Variants in GRIK4 observed in about 807,000 individuals in gnomAD.
GRIK4 encodes the protein glutamate ionotropic receptor kainate type subunit 4, also known as glutamate receptor ionotropic, kainate 4.
GRIK4 carries 40 observed loss-of-function variants against 104.9 expected under a neutral mutation model. The observed-to-expected ratio is 0.38, with a 90% confidence interval of 0.30 to 0.50. GRIK4 has a LOEUF of 0.50. Among genes scored for constraint, GRIK4 ranks in the 20% least tolerant of loss-of-function variants. The pLI is 0.93. For synonymous variants in GRIK4, 485 were observed against 524.9 expected (o/e 0.92, Z 1.04); for missense variants, 1,047 against 1,308.1 (o/e 0.80, Z 3.08).
chr11:120,861,929 ATTC>A, intron 8 of GRIK4, 27 bp from the exon 9 acceptor site: 3 of 1,585,232 alleles, frequency 1.9e-6, no homozygotes, highest in Non-Finnish European at 2.6e-6. Context: ...TCCTAACTAC[ATTC>A]TTATTTCTGA....
intron 13 of GRIK4, among the ~76,000 whole-genome samples, chr11:120,915,032 A>C (rs1042244211): frequency 1.3e-5 from 2 of 152,118 alleles, no homozygotes; most frequent in African/African-American, 4.8e-5. Context: ...GTAGACCTTC[A>C]AGCATGGGTT....
intron 3 of GRIK4, among the ~76,000 whole-genome samples, chr11:120,661,125 A>T (rs1949807294): frequency 6.6e-6 from 1 of 152,182 alleles, no homozygotes; most frequent in Admixed American, 6.5e-5. Context: ...AGCCACAGGG[A>T]CAAGGACACA....
In GRIK4 at chr11:120,855,854, C is replaced by T. The variant is rs548785972; in HGVS notation, c.745-6105C>T. On this transcript the variant is annotated intron_variant, in intron 8 of 20. Coordinates refer to ENST00000527524, the MANE Select transcript of GRIK4 (RefSeq NM_014619.5). ...CTGGGATTATAGGCGTGAGCCACCG[C>T]GCCCGGCCTATGGTGACTTATTTAG... Among the ~76,000 whole-genome samples, 5 of 152,370 alleles carry T rather than the reference C, an allele frequency of 3.3e-5. No individual in the cohort carries two copies. In the South Asian group the frequency reaches 6.2e-4, roughly 19 times the overall value.
intron 11 of GRIK4, among the ~76,000 whole-genome samples, chr11:120,890,951 A>C (rs1955271343): frequency 6.6e-6 from 1 of 152,264 alleles, no homozygotes; most frequent in Admixed American, 6.5e-5. Flanking sequence ...ATCTAAATGT[A>C]CATAAAATAT....
chr11:120,937,361 A>C (rs1331601097), intron 13 of GRIK4, among the ~76,000 whole-genome samples: 1 of 152,346 alleles, frequency 6.6e-6, no homozygotes, highest in South Asian at 2.1e-4. Flanking sequence ...ACTAGGTAAA[A>C]TAACGAAGGC....
chr11:120,715,755 C>T (rs773873333), intron 3 of GRIK4, among the ~76,000 whole-genome samples: 9 of 152,208 alleles, frequency 5.9e-5, no homozygotes, highest in Non-Finnish European at 5.9e-5. Flanking sequence ...GCGCCACACC[C>T]GCTCCCTTTT....
intron 11 of GRIK4, among the ~76,000 whole-genome samples, chr11:120,893,000 G>A (rs78060990): frequency 1.3e-5 from 2 of 152,200 alleles, no homozygotes; most frequent in African/African-American, 4.8e-5. Context: ...ACAAATTAAC[G>A]TATAAAAGCG....
At chr11:120,563,874 C>T (rs192134353) in intron 1 of GRIK4, among the ~76,000 whole-genome samples, 1 of 152,328 alleles carries the variant, frequency 6.6e-6, no homozygotes, top group African/African-American at 2.4e-5. Context: ...TCGGTTGTGC[C>T]TCCACGCCCG....
At chr11:120,758,292 C>T (rs536919318) in intron 3 of GRIK4, among the ~76,000 whole-genome samples, 4 of 152,332 alleles carry the variant, frequency 2.6e-5, no homozygotes, top group East Asian at 1.9e-4. Flanking sequence ...TTGATTTCTA[C>T]GGATACCTCA....
intron 1 of GRIK4, among the ~76,000 whole-genome samples, chr11:120,650,502 C>T (rs1440400867): frequency 1.3e-5 from 2 of 152,374 alleles, no homozygotes; most frequent in South Asian, 4.1e-4. Context: ...CGCATCCCCC[C>T]TCCCAGACCT....
chr11:120,767,375 C>T (rs1480067062), intron 3 of GRIK4, among the ~76,000 whole-genome samples: 1 of 152,034 alleles, frequency 6.6e-6, no homozygotes, highest in East Asian at 1.9e-4. Flanking sequence ...TGGTCCTTTG[C>T]CCATTTTTAA....
At chr11:120,551,606 C>A (rs981687029) in intron 1 of GRIK4, among the ~76,000 whole-genome samples, 4 of 152,022 alleles carry the variant, frequency 2.6e-5, no homozygotes, top group African/African-American at 4.8e-5. Context: ...TGTGGCGAAA[C>A]CCTGTCTCTA....
rs1203435491 is a variant in GRIK4, at chr11:120,819,428, G to T, written c.346-327G>T. Reference sequence around the variant, plus strand: ...AGAGCCAACTGTCTCTCTGCCAGCAGCAGGCAGTTCCTCTAAGAATAAAGA... The same window carrying T: ...AGAGCCAACTGTCTCTCTGCCAGCATCAGGCAGTTCCTCTAAGAATAAAGA... On this transcript the variant is annotated intron_variant, in intron 5 of 20. Transcript: ENST00000527524. This position sits in a 1 kb window ranked among gnomAD's most constrained non-coding sequence, Gnocchi z 4.3. Among the ~76,000 whole-genome samples the T allele has an allele frequency of 6.6e-6, 1 of 152,232 alleles. No homozygotes were observed. The highest frequency in any genetic ancestry group is 1.5e-5 in the Non-Finnish European group (1 of 68,042).
intron 1 of GRIK4, among the ~76,000 whole-genome samples, chr11:120,533,267 G>C (rs1947940536): frequency 6.6e-6 from 1 of 152,218 alleles, no homozygotes; most frequent in Non-Finnish European, 1.5e-5. Flanking sequence ...AGATGGCAGA[G>C]AATAAGGTAA....
At chr11:120,593,559 T>C (rs1948762761) in intron 1 of GRIK4, among the ~76,000 whole-genome samples, 1 of 152,062 alleles carries the variant, frequency 6.6e-6, no homozygotes, top group Non-Finnish European at 1.5e-5. Flanking sequence ...CCTTTACTCC[T>C]GTCTAAATGT....
chr11:120,921,310 C>T (rs946923684), intron 13 of GRIK4, among the ~76,000 whole-genome samples: 3 of 152,178 alleles, frequency 2.0e-5, no homozygotes, highest in Non-Finnish European at 2.9e-5. Context: ...TGGCAGCATT[C>T]AGAACAGGCT....
chr11:120,726,694 T>G (rs2135384640), intron 3 of GRIK4, among the ~76,000 whole-genome samples: 1 of 152,268 alleles, frequency 6.6e-6, no homozygotes, highest in South Asian at 2.1e-4. Flanking sequence ...AAGTTAAATT[T>G]GAGACATCTA....
chr11:120,705,686 C>G (rs936685922), intron 3 of GRIK4, among the ~76,000 whole-genome samples: 1 of 152,176 alleles, frequency 6.6e-6, no homozygotes, highest in African/African-American at 2.4e-5. Context: ...TAATTTCTTT[C>G]AGCAATATTT....
chr11:120,717,090 G>T (rs1565311880), intron 3 of GRIK4, among the ~76,000 whole-genome samples: 1 of 152,134 alleles, frequency 6.6e-6, no homozygotes, highest in Non-Finnish European at 1.5e-5. Context: ...GGCAGTTTGG[G>T]GTCCAGCCAG....
Sources: gnomAD v4.1 joint callset for allele counts (sites outside exome capture counted in the v4.1 genomes callset) on GRCh38, gnomAD v4.1.1 for gene constraint, Gnocchi (gnomAD v3.1) non-coding constraint, MANE v1.5 for transcripts, NCBI Gene and HGNC (gene_info 2026-07-23, HGNC 2026-07-21) for gene names.